The following PTPRG variants were observed in gnomAD, a reference collection of about 807,000 sequenced individuals.
The protein encoded by PTPRG is receptor-type tyrosine-protein phosphatase gamma.
A neutral mutation model predicts 165.3 loss-of-function variants in PTPRG; 102 were observed. The observed-to-expected ratio is 0.62, with a 90% CI of 0.53 to 0.73. The LOEUF is 0.73. Ranked by LOEUF, PTPRG falls within the 30% of genes least tolerant of loss-of-function variation. PTPRG has a pLI of 0.00. For synonymous variants in PTPRG, 675 were observed against 669.5 expected (o/e 1.01, Z -0.13); for missense variants, 1,866 against 1,861.4 (o/e 1.00, Z -0.05).
intron 9 of PTPRG, 70 bp from the exon 10 acceptor site, chr3:62,194,992 T>A: frequency 7.0e-7 from 1 of 1,435,716 alleles, no homozygotes; most frequent in Non-Finnish European, 9.8e-7. Context: ...CACTCAGGTT[T>A]GGCTTTAGAA....
At chr3:61,801,494 G>C (rs993067559) in intron 2 of PTPRG, among the ~76,000 whole-genome samples, 2 of 151,896 alleles carry the variant, frequency 1.3e-5, no homozygotes, top group African/African-American at 2.4e-5. Context: ...AGGGGTGGAG[G>C]GGGGAAGAAA....
At chr3:61,843,927 T>G (rs2036726928) in intron 2 of PTPRG, among the ~76,000 whole-genome samples, 1 of 151,550 alleles carries the variant, frequency 6.6e-6, no homozygotes, top group Non-Finnish European at 1.5e-5. Flanking sequence ...TTTATGTTCA[T>G]GTCATTGATA....
At chr3:61,889,452 C>G (rs776107175) in intron 2 of PTPRG, among the ~76,000 whole-genome samples, 6 of 152,206 alleles carry the variant, frequency 3.9e-5, no homozygotes, top group Non-Finnish European at 2.9e-5. Flanking sequence ...CTAACTTGTA[C>G]ATGTCTAACT....
chr3:61,750,644 C>T (rs900879427), intron 2 of PTPRG: 4 of 152,170 alleles, frequency 2.6e-5, no homozygotes, highest in Non-Finnish European at 4.4e-5. Context: ...AAAGCCATGT[C>T]GTCTTTGTTG....
intron 1 of PTPRG, among the ~76,000 whole-genome samples, chr3:61,681,476 T>C (rs1053634009): frequency 6.6e-6 from 1 of 152,258 alleles, no homozygotes. Flanking sequence ...AATCTATTCA[T>C]GTCAGACTGC....
chr3:61,817,849 A>G (rs1454293443), intron 2 of PTPRG, among the ~76,000 whole-genome samples: 2 of 152,180 alleles, frequency 1.3e-5, no homozygotes. Context: ...GGGCTCTATC[A>G]TTTTCCAAAC....
chr3:62,016,772 G>A (rs943572862), intron 4 of PTPRG, among the ~76,000 whole-genome samples: 1 of 152,008 alleles, frequency 6.6e-6, no homozygotes, highest in Non-Finnish European at 1.5e-5. Flanking sequence ...GGCCTACAAG[G>A]CCCTAGTTGA....
intron 1 of PTPRG, among the ~76,000 whole-genome samples, chr3:61,702,842 T>A (rs1006291693): frequency 6.6e-6 from 1 of 152,258 alleles, no homozygotes; most frequent in African/African-American, 2.4e-5. Flanking sequence ...AGTTATTGAT[T>A]ATACAACTAT....
chr3:61,814,770 A>G (rs1484445759), intron 2 of PTPRG, among the ~76,000 whole-genome samples: 2 of 151,188 alleles, frequency 1.3e-5, no homozygotes, highest in East Asian at 3.9e-4. Flanking sequence ...GTATTCATCT[A>G]GGATGACTGG....
At chr3:62,269,345 A>G (rs1476746805) in intron 20 of PTPRG, among the ~76,000 whole-genome samples, 176 bp downstream of exon 20, 1 of 152,162 alleles carries the variant, frequency 6.6e-6, no homozygotes, top group East Asian at 1.9e-4. Flanking sequence ...GTATTGGCAA[A>G]GCATCTAATA....
intron 17 of PTPRG, among the ~76,000 whole-genome samples, chr3:62,266,657 A>G (rs1034613253): frequency 6.6e-6 from 1 of 151,856 alleles, no homozygotes; most frequent in Non-Finnish European, 1.5e-5. Flanking sequence ...TGATCCACTC[A>G]TTGGACTTCT....
At chr3:61,597,940 G>C (rs557766129) in intron 1 of PTPRG, among the ~76,000 whole-genome samples, 8 of 152,190 alleles carry the variant, frequency 5.3e-5, no homozygotes, top group Admixed American at 1.3e-4. Context: ...CCACTTAAAG[G>C]GTACAGTAGT....
intron 4 of PTPRG, among the ~76,000 whole-genome samples, chr3:62,049,455 C>T (rs962805097): frequency 6.6e-6 from 1 of 152,134 alleles, no homozygotes; most frequent in African/African-American, 2.4e-5. Context: ...TTGCATTGTG[C>T]ATATAATGGA....
chr3:61,800,942 G>T (rs2035210818), intron 2 of PTPRG, among the ~76,000 whole-genome samples: 1 of 152,114 alleles, frequency 6.6e-6, no homozygotes, highest in Non-Finnish European at 1.5e-5. Context: ...ACCATGTCCG[G>T]CCAGAACTCT....
chr3:61,993,735 T>G (rs1017421963), intron 3 of PTPRG, among the ~76,000 whole-genome samples: 2 of 152,240 alleles, frequency 1.3e-5, no homozygotes, highest in Non-Finnish European at 2.9e-5. Context: ...TTTAGAGTAT[T>G]TTGTGGAACT....
chr3:62,260,095 G>GCTTT (rs1294796373), intron 16 of PTPRG, among the ~76,000 whole-genome samples: 1 of 152,134 alleles, frequency 6.6e-6, no homozygotes, highest in South Asian at 2.1e-4. Context: ...ACCTGTCAAA[G>GCTTT]GCCAGTTCTG....
intron 2 of PTPRG, among the ~76,000 whole-genome samples, chr3:61,867,585 C>G (rs2037446453): frequency 6.6e-6 from 1 of 151,876 alleles, no homozygotes; most frequent in Non-Finnish European, 1.5e-5. Context: ...AAATGAAGTA[C>G]CCAAAGTCAC....
chr3:62,215,989 G>A (rs576184785), intron 12 of PTPRG, among the ~76,000 whole-genome samples: 4 of 152,128 alleles, frequency 2.6e-5, no homozygotes, highest in Non-Finnish European at 5.9e-5. Flanking sequence ...AGGCCGAGGC[G>A]GGAGGATCAC....
intron 1 of PTPRG, among the ~76,000 whole-genome samples, chr3:61,614,837 G>T (rs576990509): frequency 2.0e-5 from 3 of 152,156 alleles, no homozygotes; most frequent in African/African-American, 7.2e-5. Context: ...GCACAGTTTT[G>T]TTATAAAATT....
Sources: gnomAD v4.1 joint callset for allele counts (sites outside exome capture counted in the v4.1 genomes callset) on GRCh38, gnomAD v4.1.1 for gene constraint, MANE v1.5 for transcripts, NCBI Gene and HGNC (gene_info 2026-07-23, HGNC 2026-07-21) for gene names.